The following CCDC102B variants were observed in gnomAD, a reference collection of about 807,000 sequenced individuals.
CCDC102B encodes the protein coiled-coil domain-containing protein 102B.
A neutral mutation model predicts 57.4 loss-of-function variants in CCDC102B; 75 were observed. That is an observed-to-expected ratio of 1.31 (90% CI 1.08 to 1.58). CCDC102B has a LOEUF of 1.58. CCDC102B is among the 40% of genes most tolerant of loss of function. The pLI is 0.00. For synonymous variants in CCDC102B, 206 were observed against 201.9 expected (o/e 1.02, Z -0.17); for missense variants, 636 against 582.6 (o/e 1.09, Z -0.94).
At chr18:68,974,308 AG>A (rs1276097856) in intron 6 of CCDC102B, among the ~76,000 whole-genome samples, 3 of 152,024 alleles carry the variant, frequency 2.0e-5, no homozygotes, top group African/African-American at 7.2e-5. Flanking sequence ...TCAGTGTTCA[AG>A]GGACCATGTT....
intron 6 of CCDC102B, among the ~76,000 whole-genome samples, chr18:69,008,139 CAAGAA>C (rs2051403532): frequency 6.6e-6 from 1 of 152,156 alleles, no homozygotes; most frequent in African/African-American, 2.4e-5. Context: ...TCTGACAGAT[CAAGAA>C]AGATCTTTTT....
At chr18:68,955,621 T>TC (rs1167407666) in intron 6 of CCDC102B, among the ~76,000 whole-genome samples, 2 of 151,840 alleles carry the variant, frequency 1.3e-5, no homozygotes, top group African/African-American at 4.8e-5. Context: ...CTTCACCTTT[T>TC]CCTTTTTTGT....
chr18:68,966,767 T>C (rs554016240), intron 6 of CCDC102B, among the ~76,000 whole-genome samples: 18 of 152,220 alleles, frequency 1.2e-4, no homozygotes, highest in African/African-American at 4.3e-4. Context: ...TTTGGAGTAG[T>C]AGTCTTCTCA....
intron 4 of CCDC102B, among the ~76,000 whole-genome samples, chr18:68,856,011 GA>G (rs1331828935): frequency 6.6e-6 from 1 of 151,992 alleles, no homozygotes; most frequent in Non-Finnish European, 1.5e-5. Context: ...GAATGAGTGA[GA>G]AAAAAATACA....
chr18:68,752,665 A>T (rs964754562), intron 2 of CCDC102B, among the ~76,000 whole-genome samples: 2 of 152,288 alleles, frequency 1.3e-5, no homozygotes, highest in African/African-American at 2.4e-5. Context: ...TAATGTTATG[A>T]TTATAAGATT....
upstream of CCDC102B, among the ~76,000 whole-genome samples, chr18:68,794,963 G>A (rs2035580922): frequency 6.8e-6 from 1 of 147,576 alleles, no homozygotes; most frequent in Non-Finnish European, 1.5e-5. Context: ...AAAGCTGCAA[G>A]TAAGACAGTG....
chr18:68,840,134 C>G (rs4891343), intron 3 of CCDC102B, among the ~76,000 whole-genome samples: 49,946 of 151,896 alleles, frequency 0.33, 9,380 homozygotes, highest in East Asian at 0.82. Flanking sequence ...TGTGGAATAT[C>G]TAATATATAA....
intron 6 of CCDC102B, among the ~76,000 whole-genome samples, chr18:68,971,475 T>C (rs540941459): frequency 6.6e-6 from 1 of 152,288 alleles, no homozygotes; most frequent in East Asian, 1.9e-4. Context: ...CTCCAGTTAT[T>C]AGACTGCATG....
At chr18:68,994,574 G>A (rs925343523) in intron 6 of CCDC102B, among the ~76,000 whole-genome samples, 2 of 151,938 alleles carry the variant, frequency 1.3e-5, no homozygotes, top group Admixed American at 6.6e-5. Flanking sequence ...AATCATGGGA[G>A]TGTTTTCGCC....
At chr18:68,766,893 T>A (rs1285353785) in intron 2 of CCDC102B, among the ~76,000 whole-genome samples, 3 of 152,182 alleles carry the variant, frequency 2.0e-5, no homozygotes, top group African/African-American at 7.2e-5. Context: ...TTTTGTAAGA[T>A]CTGGTACATA....
intron 2 of CCDC102B, among the ~76,000 whole-genome samples, chr18:68,730,083 C>G (rs908303907): frequency 2.6e-5 from 4 of 152,050 alleles, no homozygotes; most frequent in Admixed American, 6.5e-5. Context: ...CAATGGGAAT[C>G]CTTAATGCAC....
intron 6 of CCDC102B, among the ~76,000 whole-genome samples, chr18:68,916,022 A>T (rs2041060663): frequency 6.6e-6 from 1 of 152,184 alleles, no homozygotes; most frequent in Non-Finnish European, 1.5e-5. Context: ...ATCACATCTT[A>T]TATATTATAG....
At chr18:69,013,359 C>T (rs2051571869) in intron 7 of CCDC102B, among the ~76,000 whole-genome samples, 1 of 151,850 alleles carries the variant, frequency 6.6e-6, no homozygotes, top group South Asian at 2.1e-4. Flanking sequence ...GAATGACAGA[C>T]AATGGCGACT....
chr18:69,025,891 G>A (rs144020446), intron 7 of CCDC102B, among the ~76,000 whole-genome samples: 1 of 152,154 alleles, frequency 6.6e-6, no homozygotes, highest in Admixed American at 6.5e-5. Flanking sequence ...ACATGCTGGG[G>A]TGGAGGTAAA....
intron 6 of CCDC102B, among the ~76,000 whole-genome samples, chr18:68,981,003 A>G (rs2145291898): frequency 6.6e-6 from 1 of 152,198 alleles, no homozygotes; most frequent in East Asian, 1.9e-4. Context: ...AATTCAGGAA[A>G]GAGCGATGGC....
Position 68,891,995 on chromosome 18 carries a change from A to G in CCDC102B, c.1054-5224A>G, listed in dbSNP as rs151121131. The stretch of plus-strand genomic sequence containing the variant: ...TCTATGGGAGAAAGTGGAATAATAA[A>G]AATTACGAGTTGTGTACTTAATTTC... On this transcript the variant is annotated intron_variant, in intron 5 of 7. Coordinates refer to ENST00000360242, the MANE Select transcript of CCDC102B (RefSeq NM_024781.3). Among the ~76,000 whole-genome samples the G allele has an allele frequency of 8.5e-5, 13 of 152,286 alleles. No homozygotes were observed. In the South Asian group the frequency reaches 2.5e-3, roughly 29 times the overall value.
At chr18:68,725,306 T>G (rs1055729377) in intron 2 of CCDC102B, among the ~76,000 whole-genome samples, 1 of 152,228 alleles carries the variant, frequency 6.6e-6, no homozygotes, top group Admixed American at 6.5e-5. Flanking sequence ...AATTTTCTAT[T>G]GCTGCAGTTT....
At chr18:68,885,421 CA>C (rs774508362) in intron 5 of CCDC102B, among the ~76,000 whole-genome samples, 19 of 151,756 alleles carry the variant, frequency 1.3e-4, no homozygotes, top group Non-Finnish European at 2.4e-4. Flanking sequence ...ATAATAATAC[CA>C]AAAAGACAGA....
chr18:69,011,018 C>T lies in CCDC102B; in HGVS notation c.1348C>T (p.Arg450Ter), dbSNP rs376019546. 6.2e-5 allele frequency: 100 copies of T among 1,613,704 alleles called. 1 individual carries two copies. The highest frequency in any genetic ancestry group is 2.7e-4 in the East Asian group (12 of 44,846). ...TGCAGAACTGACTCATGCAAACAAC[C>T]GAGTGGATCAAAATGAAGCAGAAGT... ...NIAELTHANN[R>*]VDQNEAEVKK... The change falls in exon 7 of 8, where the codon CGA becomes TGA. Residue 450 changes from arginine (R) to a stop codon, truncating the protein, a stop_gained. Coordinates refer to ENST00000360242, the MANE Select transcript of CCDC102B (RefSeq NM_024781.3). LOFTEE classifies it high-confidence loss of function.
Sources: gnomAD v4.1 joint callset for allele counts (sites outside exome capture counted in the v4.1 genomes callset) on GRCh38, gnomAD v4.1.1 for gene constraint, MANE v1.5 for transcripts, NCBI Gene and HGNC (gene_info 2026-07-23, HGNC 2026-07-21) for gene names.